Variants in GRIN2A observed in about 807,000 individuals in gnomAD.
The protein encoded by GRIN2A is glutamate receptor ionotropic, NMDA 2A.
GRIN2A carries 22 observed loss-of-function variants against 113.4 expected under a neutral mutation model. The observed-to-expected ratio is 0.19, with a 90% CI of 0.14 to 0.28. The LOEUF (loss-of-function observed/expected upper bound fraction) is 0.28. Ranked by LOEUF, GRIN2A falls within the 10% of genes least tolerant of loss-of-function variation. The pLI is 1.00. For missense variants in GRIN2A, 1,502 were observed against 1,887.0 expected (o/e 0.80, Z 3.78); for synonymous variants, 827 against 738.4 (o/e 1.12, Z -1.94).
intron 2 of GRIN2A, among the ~76,000 whole-genome samples, chr16:10,036,323 A>C (rs1943338403): frequency 6.6e-6 from 1 of 151,670 alleles, no homozygotes; most frequent in African/African-American, 2.4e-5. Context: ...TTCCCTCTGG[A>C]GTCTCTGAAG....
intron 3 of GRIN2A, among the ~76,000 whole-genome samples, chr16:9,917,967 G>T (rs573068333): frequency 6.6e-6 from 1 of 152,170 alleles, no homozygotes; most frequent in Admixed American, 6.5e-5. Context: ...CATCTAGGTG[G>T]CATTTTTTGT....
intron 3 of GRIN2A, among the ~76,000 whole-genome samples, chr16:9,903,434 A>G (rs951324290): frequency 1.3e-5 from 2 of 152,194 alleles, no homozygotes; most frequent in African/African-American, 4.8e-5. Flanking sequence ...CATTGAGCAC[A>G]GCATGTTCAC....
At chr16:10,142,109 G>A (rs554635299) in intron 2 of GRIN2A, among the ~76,000 whole-genome samples, 1 of 152,232 alleles carries the variant, frequency 6.6e-6, no homozygotes, top group South Asian at 2.1e-4. Flanking sequence ...ATATCCCAAA[G>A]CGCCCATGTC....
At chr16:9,988,807 A>G (rs1047793793) in intron 2 of GRIN2A, among the ~76,000 whole-genome samples, 1 of 152,158 alleles carries the variant, frequency 6.6e-6, no homozygotes, top group African/African-American at 2.4e-5. Context: ...TCTTTCCACA[A>G]TACTGCAGGT....
intron 11 of GRIN2A, among the ~76,000 whole-genome samples, chr16:9,777,678 G>C (rs1330311030): frequency 6.6e-6 from 1 of 152,182 alleles, no homozygotes; most frequent in East Asian, 1.9e-4. Flanking sequence ...ATTGCTACTT[G>C]TCACATTGCA....
intron 2 of GRIN2A, among the ~76,000 whole-genome samples, chr16:10,071,216 G>A (rs1423159127): frequency 6.6e-6 from 1 of 152,142 alleles, no homozygotes; most frequent in Admixed American, 6.5e-5. Context: ...GCTTTATAAA[G>A]GTAGAATCAT....
chr16:9,822,460 G>C (rs35524162), intron 9 of GRIN2A, 36 bp from the exon 10 acceptor site: 1 of 1,401,150 alleles, frequency 7.1e-7, no homozygotes, highest in East Asian at 2.3e-5. Flanking sequence ...GAGAGAGTAG[G>C]AAAAGAAAGA....
intron 10 of GRIN2A, among the ~76,000 whole-genome samples, chr16:9,819,042 T>G (rs530113043): frequency 6.6e-6 from 1 of 152,262 alleles, no homozygotes; most frequent in South Asian, 2.1e-4. Context: ...AAAAATAACT[T>G]TATGGCTTTT....
chr16:10,102,560 TG>T lies in GRIN2A; in HGVS notation c.414+77437del, dbSNP rs201316588. The stretch of plus-strand genomic sequence containing the variant: ...TTCTTTTTTTTCTTTTCTTTTTTAT[TG>T]GGGGGGACAGAGTCTCACTCTATTG... On this transcript the variant is annotated intron_variant, in intron 2 of 12. Coordinates refer to ENST00000330684, the MANE Select transcript of GRIN2A (RefSeq NM_001134407.3). Among the ~76,000 whole-genome samples, 1,353 of 152,170 alleles carry T rather than the reference TG, an allele frequency of 8.9e-3. 21 individuals carry two copies. The highest frequency in any genetic ancestry group is 0.031 in the African/African-American group (1,284 of 41,490).
intron 2 of GRIN2A, among the ~76,000 whole-genome samples, chr16:10,170,880 T>C (rs1428441073): frequency 7.0e-6 from 1 of 143,558 alleles, no homozygotes; most frequent in Non-Finnish European, 1.5e-5. Context: ...CTGTTTTCTT[T>C]AAAAAAAAAA....
chr16:9,867,566 C>A (rs1362916070), intron 4 of GRIN2A, among the ~76,000 whole-genome samples: 3 of 152,218 alleles, frequency 2.0e-5, no homozygotes, highest in Non-Finnish European at 4.4e-5. Flanking sequence ...CTGTCCTTGC[C>A]TCTCAAACTG....
intron 2 of GRIN2A, among the ~76,000 whole-genome samples, chr16:10,092,951 G>A (rs867488342): frequency 2.1e-4 from 31 of 150,252 alleles, no homozygotes; most frequent in African/African-American, 7.1e-4. Context: ...CAATTCTCCT[G>A]CCTCAGCCTC....
At chr16:9,843,456 A>G (rs114190186) in intron 5 of GRIN2A, among the ~76,000 whole-genome samples, 2,077 of 152,272 alleles carry the variant, frequency 0.014, 66 homozygotes, top group African/African-American at 0.048. Flanking sequence ...TGGCCTTTCA[A>G]AGTGCTGGGA....
intron 11 of GRIN2A, among the ~76,000 whole-genome samples, chr16:9,769,766 G>A (rs1037877533): frequency 6.6e-6 from 1 of 152,164 alleles, no homozygotes; most frequent in South Asian, 2.1e-4. Flanking sequence ...TAAGCAGTAT[G>A]TTTGCTACTA....
chr16:10,136,668 G>T (rs540508822), intron 2 of GRIN2A, among the ~76,000 whole-genome samples: 1 of 152,208 alleles, frequency 6.6e-6, no homozygotes, highest in African/African-American at 2.4e-5. Flanking sequence ...ATCTGTCAGT[G>T]GAAATGTCTT....
intron 2 of GRIN2A, among the ~76,000 whole-genome samples, chr16:10,173,042 C>T (rs1253899467): frequency 6.6e-6 from 1 of 152,118 alleles, no homozygotes; most frequent in African/African-American, 2.4e-5. Flanking sequence ...TCTTCAGGGC[C>T]CAAACGATTG....
At chr16:10,175,866 G>A (rs973525154) in intron 2 of GRIN2A, among the ~76,000 whole-genome samples, 6 of 152,290 alleles carry the variant, frequency 3.9e-5, no homozygotes. Context: ...CATATTCTGG[G>A]CTTACCAGGG....
intron 2 of GRIN2A, among the ~76,000 whole-genome samples, chr16:10,026,504 AAG>A (rs1491019893): frequency 1.6e-4 from 23 of 145,940 alleles, no homozygotes; most frequent in Non-Finnish European, 3.1e-4. Flanking sequence ...AGAGAGAAAA[AAG>A]AAAGTCCTTC....
intron 2 of GRIN2A, among the ~76,000 whole-genome samples, chr16:10,166,321 T>G (rs1056319413): frequency 2.0e-5 from 3 of 152,136 alleles, no homozygotes; most frequent in African/African-American, 7.2e-5. Flanking sequence ...GAGGAGAATT[T>G]GGAAGCTTTC....
Sources: gnomAD v4.1 joint callset for allele counts (sites outside exome capture counted in the v4.1 genomes callset) on GRCh38, gnomAD v4.1.1 for gene constraint, MANE v1.5 for transcripts, NCBI Gene and HGNC (gene_info 2026-07-23, HGNC 2026-07-21) for gene names.